Variants in TMEM65 observed in about 807,000 individuals in gnomAD.
TMEM65 encodes the protein transmembrane protein 65.
In TMEM65, 22 loss-of-function variants were observed where a neutral mutation model predicts 25.4. The ratio of observed to expected loss-of-function variants is 0.86; its 90% CI spans 0.62 to 1.23. The LOEUF is 1.23. Among genes scored for constraint, TMEM65 ranks in the 50% most tolerant of loss-of-function variants. The pLI is 0.00. For missense variants in TMEM65, 262 were observed against 308.2 expected (o/e 0.85, Z 1.12); for synonymous variants, 132 against 126.2 (o/e 1.05, Z -0.31).
chr8:124,351,688 G>T (rs558362397), intron 1 of TMEM65, among the ~76,000 whole-genome samples: 7 of 152,132 alleles, frequency 4.6e-5, no homozygotes, highest in African/African-American at 1.7e-4. Flanking sequence ...TGAACTTTTT[G>T]CCAGGGTCAC....
intron 6 of TMEM65, among the ~76,000 whole-genome samples, 181 bp from the exon 7 acceptor site, chr8:124,314,242 T>A (rs1369575677): frequency 2.0e-5 from 3 of 152,182 alleles, no homozygotes; most frequent in Non-Finnish European, 4.4e-5. Context: ...TATGTAAACA[T>A]AGCTTTGTTT....
rs966937194 is a variant in TMEM65, at chr8:124,330,812, T to G, written c.305-20A>C. Reference sequence around the variant, plus strand: ...ATTTTTCTAAAGGGGAGAAAAAGGATGTGGGGCAAGAATTAGTTACTACAG... The same window carrying G: ...ATTTTTCTAAAGGGGAGAAAAAGGAGGTGGGGCAAGAATTAGTTACTACAG... On this transcript the variant is annotated intron_variant, in intron 1 of 6. Coordinates refer to ENST00000297632, the MANE Select transcript of TMEM65 (RefSeq NM_194291.3). 2.5e-6 allele frequency: 4 copies of G among 1,576,322 alleles called. No homozygotes were observed. The East Asian group carries it at 9.6e-5, about 38-fold the overall frequency.
At chr8:124,368,031 G>A (rs1009739069) in intron 1 of TMEM65, among the ~76,000 whole-genome samples, 1 of 137,814 alleles carries the variant, frequency 7.3e-6, no homozygotes, top group Non-Finnish European at 1.6e-5. Context: ...ATCTCTCATT[G>A]TACCTCTCCA....
chr8:124,339,513 T>C (rs958233696), intron 1 of TMEM65, among the ~76,000 whole-genome samples: 1 of 151,874 alleles, frequency 6.6e-6, no homozygotes, highest in East Asian at 1.9e-4. Context: ...CTTTGTTATA[T>C]TTAATCTGTC....
At chr8:124,366,366 C>G (rs1367601649) in intron 1 of TMEM65, among the ~76,000 whole-genome samples, 2 of 152,180 alleles carry the variant, frequency 1.3e-5, no homozygotes, top group African/African-American at 4.8e-5. Flanking sequence ...CTTGGGTCAA[C>G]AGTTCCAGTT....
intron 1 of TMEM65, among the ~76,000 whole-genome samples, chr8:124,362,113 A>C (rs1039315914): frequency 3.3e-5 from 5 of 151,812 alleles, no homozygotes; most frequent in Non-Finnish European, 5.9e-5. Flanking sequence ...GCTGGTCTTA[A>C]ACTCCTGACC....
chr8:124,345,734 A>ATTTAT (rs1814633148), intron 1 of TMEM65, among the ~76,000 whole-genome samples: 1 of 150,118 alleles, frequency 6.7e-6, no homozygotes, highest in Non-Finnish European at 1.5e-5. Context: ...AAGGAGGTTT[A>ATTTAT]TTATTTATTT....
At chr8:124,330,842 A>G (rs766110514) in intron 1 of TMEM65, 50 bp from the exon 2 acceptor site, 13 of 1,470,254 alleles carry the variant, frequency 8.8e-6, no homozygotes, top group Middle Eastern at 1.7e-4. Flanking sequence ...CTACAGCGTG[A>G]TATTTTTTAT....
At chr8:124,350,388 A>G (rs566836237) in intron 1 of TMEM65, among the ~76,000 whole-genome samples, 78 of 151,370 alleles carry the variant, frequency 5.2e-4, no homozygotes, top group African/African-American at 1.8e-3. Flanking sequence ...GGACAGAGAG[A>G]TATTTGTTTT....
At chr8:124,357,124 TC>T (rs1814792945) in intron 1 of TMEM65, among the ~76,000 whole-genome samples, 1 of 151,852 alleles carries the variant, frequency 6.6e-6, no homozygotes, top group Non-Finnish European at 1.5e-5. Context: ...TTGTTCTTCT[TC>T]CTGTTCTCTT....
chr8:124,371,743 G>T, intron 1 of TMEM65, 111 bp downstream of exon 1: 12 of 1,095,848 alleles, frequency 1.1e-5, no homozygotes, highest in Middle Eastern at 3.1e-4. Flanking sequence ...GGGGCGGAAG[G>T]GGGGCGGCGG....
chr8:124,349,768 A>G (rs1391284322), intron 1 of TMEM65, among the ~76,000 whole-genome samples: 1 of 152,124 alleles, frequency 6.6e-6, no homozygotes, highest in Admixed American at 6.5e-5. Flanking sequence ...CCAAACACTG[A>G]GTCTCAAAAG....
chr8:124,355,691 T>C (rs1205886813), intron 1 of TMEM65, among the ~76,000 whole-genome samples: 1 of 152,202 alleles, frequency 6.6e-6, no homozygotes, highest in Non-Finnish European at 1.5e-5. Flanking sequence ...TCAATTCAAA[T>C]TGATGGCTTA....
Position 124,330,673 on chromosome 8 carries a change from C to T in TMEM65, c.349+75G>A, listed in dbSNP as rs574889011. ...GATTTAATTTACTGACTCTTCTGTG[C>T]TATCAATGAATGATACAGTTATTTC... On this transcript the variant is annotated intron_variant, in intron 2 of 6. Coordinates refer to ENST00000297632, the MANE Select transcript of TMEM65 (RefSeq NM_194291.3). 10 of 1,363,724 alleles carry T rather than the reference C, an allele frequency of 7.3e-6. No individual in the cohort carries two copies. In the Admixed American group the frequency reaches 1.6e-4, roughly 21 times the overall value. 84.5% of individuals were successfully genotyped at this position (1,363,724 alleles called of 1,614,324 possible). A position where few individuals can be genotyped will look rare whatever the true frequency, so the allele number is the denominator to read the frequency against.
intron 1 of TMEM65, among the ~76,000 whole-genome samples, chr8:124,334,763 CAAAAA>C (rs34202764): frequency 4.6e-5 from 4 of 86,028 alleles, no homozygotes; most frequent in Admixed American, 1.2e-4. Context: ...GACTCCGTCT[CAAAAA>C]AAAAAAAAAA....
rs2131197485 is a variant in TMEM65, at chr8:124,322,116, T to C, written c.504A>G (p.Leu168=). Residue 168 remains leucine, a synonymous_variant, in exon 5 of 7, where the codon CTA becomes CTG. Transcript: ENST00000297632. ...GTGAATGAACCTACCCAAGTCCAGC[T>C]AGATCTGACACAAGATTTCCCAAAG... ...AAALGNLVSD[L]AGLGLAGYVE... 6.2e-7 allele frequency: 1 copy of C among 1,607,580 alleles called. No homozygotes were observed. Among genetic ancestry groups the C allele is most frequent in the East Asian group, 2.2e-5 (1 of 44,490 alleles).
At chr8:124,336,842 T>C (rs1304800501) in intron 1 of TMEM65, among the ~76,000 whole-genome samples, 1 of 151,804 alleles carries the variant, frequency 6.6e-6, no homozygotes, top group Non-Finnish European at 1.5e-5. Flanking sequence ...AGAGTCAAAA[T>C]TGGTTCTTTG....
At chr8:124,339,664 A>G (rs937316005) in intron 1 of TMEM65, among the ~76,000 whole-genome samples, 1 of 151,984 alleles carries the variant, frequency 6.6e-6, no homozygotes, top group Non-Finnish European at 1.5e-5. Flanking sequence ...TTGAGTTTTG[A>G]GCTCACTGAC....
Position 124,363,449 on chromosome 8 carries a change from A to G in TMEM65, c.304+8405T>C, listed in dbSNP as rs569973108. Among the ~76,000 whole-genome samples, 5 of 152,262 alleles carry G rather than the reference A, an allele frequency of 3.3e-5. No homozygotes were observed. The South Asian group carries it at 1.0e-3, about 32-fold the overall frequency. Reference sequence around the variant, plus strand: ...GTCAATTGTGTCTTTAACCATGACCATTTTAAGTCATTTCCACAGTTAACT... The same window carrying G: ...GTCAATTGTGTCTTTAACCATGACCGTTTTAAGTCATTTCCACAGTTAACT... On this transcript the variant is annotated intron_variant, in intron 1 of 6. Transcript: ENST00000297632.
Sources: gnomAD v4.1 joint callset for allele counts (sites outside exome capture counted in the v4.1 genomes callset) on GRCh38, gnomAD v4.1.1 for gene constraint, MANE v1.5 for transcripts, NCBI Gene and HGNC (gene_info 2026-07-23, HGNC 2026-07-21) for gene names.